Variants in TTBK2 observed in about 807,000 individuals in gnomAD.
TTBK2 encodes tau tubulin kinase 2, also known as tau-tubulin kinase 2.
A neutral mutation model predicts 110.8 loss-of-function variants in TTBK2; 28 were observed. The observed-to-expected ratio is 0.25, with a 90% CI of 0.19 to 0.35. The LOEUF (loss-of-function observed/expected upper bound fraction) is 0.35. TTBK2 is among the 10% of genes least tolerant of loss of function. The pLI is 1.00. For missense variants in TTBK2, 1,369 were observed against 1,500.3 expected, an observed-to-expected ratio of 0.91 and a Z score of 1.45; for synonymous variants, 532 against 527.3, an observed-to-expected ratio of 1.01 and a Z score of -0.12.
intron 3 of TTBK2, among the ~76,000 whole-genome samples, chr15:42,864,629 T>C (rs1023172461): frequency 2.0e-5 from 3 of 151,910 alleles, no homozygotes; most frequent in Non-Finnish European, 4.4e-5. Flanking sequence ...CTCACCAACA[T>C]AGATTCTGTA....
intron 4 of TTBK2, among the ~76,000 whole-genome samples, chr15:42,832,397 C>T (rs2140992506): frequency 6.6e-6 from 1 of 152,170 alleles, no homozygotes; most frequent in African/African-American, 2.4e-5. Context: ...CATATCAACT[C>T]ACAAAATCTG....
At chr15:42,902,594 T>C (rs557219160) in intron 1 of TTBK2, among the ~76,000 whole-genome samples, 3 of 152,050 alleles carry the variant, frequency 2.0e-5, no homozygotes, top group African/African-American at 7.2e-5. Context: ...AAAATAAATA[T>C]GGCAGGTGCC....
At chr15:42,776,066 C>T (rs1193906836) in intron 12 of TTBK2, among the ~76,000 whole-genome samples, 2 of 152,168 alleles carry the variant, frequency 1.3e-5, no homozygotes, top group African/African-American at 4.8e-5. Context: ...TCCATCCTTT[C>T]GATCGTGTGA....
chr15:42,860,727 C>T (rs1894125970), intron 3 of TTBK2, among the ~76,000 whole-genome samples: 1 of 140,624 alleles, frequency 7.1e-6, no homozygotes, highest in African/African-American at 2.7e-5. Context: ...AGTGTAATGG[C>T]GGATCTCAGC....
intron 10 of TTBK2, among the ~76,000 whole-genome samples, chr15:42,783,848 G>A (rs1890289158): frequency 6.6e-6 from 1 of 151,616 alleles, no homozygotes; most frequent in African/African-American, 2.4e-5. Context: ...GATCACTTGA[G>A]GTCAGGAGTT....
chr15:42,815,907 TTTAAAAATATATATATATTTAAAA>T (rs1567040270), intron 7 of TTBK2, among the ~76,000 whole-genome samples: 10 of 106,830 alleles, frequency 9.4e-5, no homozygotes, highest in African/African-American at 3.7e-4. Context: ...TATATATATA[TTTAAAAATATATATATATTTAAAA>T]ATATATATAT....
chr15:42,918,697 T>C (rs2031216152), intron 1 of TTBK2, among the ~76,000 whole-genome samples: 1 of 152,202 alleles, frequency 6.6e-6, no homozygotes, highest in Non-Finnish European at 1.5e-5. Flanking sequence ...TAGTATTACA[T>C]TTAAAGATAC....
chr15:42,885,842 C>T (rs766239700), intron 1 of TTBK2, among the ~76,000 whole-genome samples: 39 of 152,184 alleles, frequency 2.6e-4, no homozygotes, highest in Admixed American at 4.6e-4. Flanking sequence ...CTTAAAACCT[C>T]TTCAACTCTC....
chr15:42,801,572 A>G (rs1431816195), intron 9 of TTBK2: 1 of 769,120 alleles, frequency 1.3e-6, no homozygotes, highest in Non-Finnish European at 2.4e-6. Context: ...GATCTAGTAC[A>G]TGCTCTCAGC....
chr15:42,770,455 G>A (rs1268494832), intron 13 of TTBK2, among the ~76,000 whole-genome samples: 1 of 152,122 alleles, frequency 6.6e-6, no homozygotes, highest in African/African-American at 2.4e-5. Context: ...GCACACATGA[G>A]TATATCAACC....
chr15:42,862,756 C>T (rs886867137), intron 3 of TTBK2, among the ~76,000 whole-genome samples: 6 of 151,950 alleles, frequency 3.9e-5, no homozygotes, highest in South Asian at 4.2e-4. Flanking sequence ...GGCGTGGTGG[C>T]GCATGCCTGT....
chr15:42,802,405 AT>A, intron 9 of TTBK2: 1 of 747,798 alleles, frequency 1.3e-6, no homozygotes, highest in East Asian at 2.5e-5. Flanking sequence ...CCTGATGGAC[AT>A]GGTGGAGGCA....
intron 3 of TTBK2, among the ~76,000 whole-genome samples, chr15:42,866,553 A>G (rs1444317945): frequency 6.6e-6 from 1 of 152,220 alleles, no homozygotes; most frequent in Non-Finnish European, 1.5e-5. Context: ...AAACAATATC[A>G]TCAATTAACT....
rs762502316 is a variant in TTBK2, at chr15:42,745,882, C to G, written c.3648G>C (p.Leu1216=). ...GGTGGTGGAGGCTGCCGGATCCTTT[C>G]AGGCCATTCTTGCTGGGTTTGCAAT... ...QEHCKPSKNG[L]KGSGSLHHHS... Residue 1216 remains leucine, a synonymous_variant, in exon 15 of 15, where the codon CTG becomes CTC. Coordinates refer to ENST00000267890, the MANE Select transcript of TTBK2 (RefSeq NM_173500.4). 1.2e-6 allele frequency: 2 copies of G among 1,614,142 alleles called. No homozygotes were observed. Among genetic ancestry groups the G allele is most frequent in the South Asian group, 2.2e-5 (2 of 91,070 alleles).
chr15:42,834,195 AAG>A (rs1892896712), intron 4 of TTBK2, among the ~76,000 whole-genome samples: 1 of 119,216 alleles, frequency 8.4e-6, no homozygotes. Flanking sequence ...AAAAAAAAAA[AAG>A]GGGGGGGGTG....
chr15:42,796,901 AAAAAGATAAAGGGAACTGG>A (rs2140877533), intron 9 of TTBK2, among the ~76,000 whole-genome samples: 1 of 152,390 alleles, frequency 6.6e-6, no homozygotes, highest in African/African-American at 2.4e-5. Flanking sequence ...AAAAGAAACT[AAAAAGATAAAGGGAACTGG>A]AAAAGACATA....
intron 3 of TTBK2, among the ~76,000 whole-genome samples, chr15:42,841,598 AT>A (rs1468205425): frequency 6.6e-6 from 1 of 152,184 alleles, no homozygotes; most frequent in African/African-American, 2.4e-5. Flanking sequence ...TATCGAAAAG[AT>A]TTTAAGATAA....
At position 42,794,820 on chromosome 15, in the gene TTBK2, A is replaced by T. The variant is rs1364028019; in HGVS notation, c.823-19T>A. ...TAAGAAGCTAAACCACAAAGAAAAA[A>T]ACTAGAGTAAGTGAACAGTAAACAT... is the stretch of plus-strand genomic sequence containing the variant. On this transcript the variant is annotated intron_variant, in intron 9 of 14. Coordinates refer to ENST00000267890, the MANE Select transcript of TTBK2 (RefSeq NM_173500.4). 1 of 1,613,762 alleles carries T rather than the reference A, an allele frequency of 6.2e-7. No homozygotes were observed. Among genetic ancestry groups the T allele is most frequent in the African/African-American group, 1.3e-5 (1 of 74,920 alleles).
intron 3 of TTBK2, among the ~76,000 whole-genome samples, chr15:42,866,730 G>A (rs964240780): frequency 6.6e-5 from 10 of 152,112 alleles, no homozygotes; most frequent in Non-Finnish European, 1.5e-4. Flanking sequence ...TCAGAACACA[G>A]TGGAATTAAA....
Sources: gnomAD v4.1 joint callset for allele counts (sites outside exome capture counted in the v4.1 genomes callset) on GRCh38, gnomAD v4.1.1 for gene constraint, MANE v1.5 for transcripts, NCBI Gene and HGNC (gene_info 2026-07-23, HGNC 2026-07-21) for gene names.